Variants in GTF2H3 observed in about 807,000 individuals in gnomAD.
The protein encoded by GTF2H3 is general transcription factor IIH subunit 3.
GTF2H3 carries 42 observed loss-of-function variants against 51.1 expected under a neutral mutation model. That is an observed-to-expected ratio of 0.82 (90% CI 0.64 to 1.06). GTF2H3 has a LOEUF of 1.06. GTF2H3 is among the 50% of genes least tolerant of loss of function. The pLI is 0.00. For synonymous variants in GTF2H3, 123 were observed against 123.8 expected, an observed-to-expected ratio of 0.99 and a Z score of 0.04; for missense variants, 326 against 366.1, an observed-to-expected ratio of 0.89 and a Z score of 0.89.
At chr12:123,647,380 G>A (rs1028584804) in intron 3 of GTF2H3, among the ~76,000 whole-genome samples, 1 of 151,608 alleles carries the variant, frequency 6.6e-6, no homozygotes, top group Non-Finnish European at 1.5e-5. Flanking sequence ...GCTGAGGCAC[G>A]AGAATCACTT....
intron 1 of GTF2H3, 141 bp from the exon 2 acceptor site, chr12:123,639,123 G>A: frequency 3.6e-6 from 2 of 562,690 alleles, no homozygotes. Context: ...TGGGTCTTCT[G>A]TTAATCTCAT....
chr12:123,645,125 C>T (rs1413428469), intron 2 of GTF2H3, among the ~76,000 whole-genome samples: 2 of 152,200 alleles, frequency 1.3e-5, no homozygotes, highest in African/African-American at 4.8e-5. Flanking sequence ...GGCTGCAGTA[C>T]AGTGGTACAA....
chr12:123,638,352 A>G (rs1955316778), intron 1 of GTF2H3, among the ~76,000 whole-genome samples: 1 of 149,088 alleles, frequency 6.7e-6, no homozygotes, highest in South Asian at 2.1e-4. Flanking sequence ...TATTTTTAGT[A>G]GAGATGGGGT....
chr12:123,658,346 C>T (rs886515057), intron 9 of GTF2H3, among the ~76,000 whole-genome samples: 23 of 152,100 alleles, frequency 1.5e-4, no homozygotes, highest in Admixed American at 5.9e-4. Context: ...GCCTCCCAAG[C>T]GGCTGGGATT....
intron 5 of GTF2H3, among the ~76,000 whole-genome samples, chr12:123,651,494 A>T (rs1052053032): frequency 1.3e-5 from 2 of 150,994 alleles, no homozygotes; most frequent in African/African-American, 4.9e-5. Flanking sequence ...TACAGGCCAC[A>T]GTGTGTGGCT....
rs1330563490 is a variant in GTF2H3 at position 123,660,269 on chromosome 12, T to G, written c.*34T>G. On this transcript the variant is annotated 3_prime_UTR_variant, in exon 13 of 13. Transcript: ENST00000543341. Reference sequence around the variant, plus strand: ...TATTTTCCCCATCTTTTAGAGCTGTTAATAGAAATTATATAGCAGATTCTT... The same window carrying G: ...TATTTTCCCCATCTTTTAGAGCTGTGAATAGAAATTATATAGCAGATTCTT... 6.9e-7 allele frequency: 1 copy of G among 1,459,088 alleles called. No homozygotes were observed. The highest frequency in any genetic ancestry group is 9.5e-7 in the Non-Finnish European group (1 of 1,054,152). The allele number at this position is 1,459,088 out of a possible 1,614,324, so 90.4% of individuals were successfully genotyped here.
chr12:123,642,738 C>CTGA (rs906809860), intron 2 of GTF2H3, among the ~76,000 whole-genome samples: 1 of 152,178 alleles, frequency 6.6e-6, no homozygotes, highest in African/African-American at 2.4e-5. Flanking sequence ...TGTTATAAAT[C>CTGA]TGATAACGCA....
intron 5 of GTF2H3, 143 bp downstream of exon 5, chr12:123,651,199 T>G: frequency 1.7e-6 from 1 of 579,484 alleles, no homozygotes; most frequent in East Asian, 3.1e-5. Flanking sequence ...AAAAATAGTT[T>G]ACATTGGCTT....
chr12:123,646,131 C>G (rs1198363562), intron 3 of GTF2H3, among the ~76,000 whole-genome samples: 1 of 152,168 alleles, frequency 6.6e-6, no homozygotes, highest in Non-Finnish European at 1.5e-5. Flanking sequence ...TAGCCTGCAG[C>G]TGATGTGTAA....
At chr12:123,640,499 G>A (rs1167588827) in intron 2 of GTF2H3, among the ~76,000 whole-genome samples, 1 of 151,762 alleles carries the variant, frequency 6.6e-6, no homozygotes, top group Non-Finnish European at 1.5e-5. Flanking sequence ...ACCACGCCCA[G>A]CTAATTTTTT....
intron 2 of GTF2H3, among the ~76,000 whole-genome samples, chr12:123,644,686 AT>A (rs1955423410): frequency 6.6e-6 from 1 of 152,070 alleles, no homozygotes; most frequent in Non-Finnish European, 1.5e-5. Context: ...AAAGTTTTTA[AT>A]TCATTTACCC....
intron 9 of GTF2H3, among the ~76,000 whole-genome samples, chr12:123,658,285 C>G (rs887084908): frequency 1.3e-5 from 2 of 152,070 alleles, no homozygotes; most frequent in Non-Finnish European, 2.9e-5. Context: ...ATGGTACGAT[C>G]TCGGTGCACT....
At chr12:123,652,053 A>G (rs954827810) in intron 5 of GTF2H3, among the ~76,000 whole-genome samples, 1 of 152,180 alleles carries the variant, frequency 6.6e-6, no homozygotes, top group Non-Finnish European at 1.5e-5. Context: ...TTAATAAATG[A>G]GTGGCTCCTT....
At chr12:123,659,774 T>TCTTG (rs1555288870) in intron 10 of GTF2H3, 21 bp from the exon 11 acceptor site, 2 of 1,602,970 alleles carry the variant, frequency 1.2e-6, no homozygotes, top group South Asian at 2.3e-5. Context: ...TAAAAGTTTC[T>TCTTG]TTTGTTTGTT....
intron 5 of GTF2H3, 122 bp from the exon 6 acceptor site, chr12:123,652,410 A>G (rs1405519383): frequency 3.2e-6 from 2 of 623,684 alleles, no homozygotes; most frequent in Non-Finnish European, 5.5e-6. Context: ...TGAGTGGAGC[A>G]TTTCCCTTCT....
chr12:123,644,062 C>T (rs1040461117), intron 2 of GTF2H3, among the ~76,000 whole-genome samples: 1 of 152,002 alleles, frequency 6.6e-6, no homozygotes, highest in Non-Finnish European at 1.5e-5. Context: ...AACTCCTGAC[C>T]ACAGGTGATC....
At chr12:123,657,278 T>G (rs576248610) in intron 9 of GTF2H3, among the ~76,000 whole-genome samples, 1 of 152,284 alleles carries the variant, frequency 6.6e-6, no homozygotes, top group South Asian at 2.1e-4. Context: ...CCTAGCATCA[T>G]ACGTTGACTA....
chr12:123,656,661 C>A (rs1397401226), intron 9 of GTF2H3, among the ~76,000 whole-genome samples: 1 of 152,214 alleles, frequency 6.6e-6, no homozygotes, highest in East Asian at 1.9e-4. Context: ...CCTCTTCCTG[C>A]TCCACTGGTA....
intron 2 of GTF2H3, 100 bp from the exon 3 acceptor site, chr12:123,645,355 C>T: frequency 1.5e-6 from 1 of 678,864 alleles, no homozygotes; most frequent in South Asian, 1.8e-5. Flanking sequence ...CAGGCTTGAG[C>T]CACTGCACCC....
Sources: gnomAD v4.1 joint callset for allele counts (sites outside exome capture counted in the v4.1 genomes callset) on GRCh38, gnomAD v4.1.1 for gene constraint, MANE v1.5 for transcripts, NCBI Gene and HGNC (gene_info 2026-07-23, HGNC 2026-07-21) for gene names.